Variants in PTGER4 observed in about 807,000 individuals in gnomAD.
PTGER4 encodes the protein prostaglandin E2 receptor EP4 subtype.
In PTGER4, 11 loss-of-function variants were observed where a neutral mutation model predicts 33.2. The ratio of observed to expected loss-of-function variants is 0.33; its 90% CI spans 0.21 to 0.55. PTGER4 has a LOEUF of 0.55. Ranked by LOEUF, PTGER4 falls within the 20% of genes least tolerant of loss-of-function variation. The probability of loss-of-function intolerance (pLI) is 0.92; values close to 1 mark genes in which losing one functional copy is unlikely to be tolerated. For missense variants in PTGER4, 481 were observed against 650.2 expected (o/e 0.74, Z 2.83); for synonymous variants, 275 against 281.5 (o/e 0.98, Z 0.23).
chr5:40,684,872 T>C (rs962581400), intron 2 of PTGER4, among the ~76,000 whole-genome samples: 1 of 152,156 alleles, frequency 6.6e-6, no homozygotes, highest in African/African-American at 2.4e-5. Flanking sequence ...TCTAAAATTT[T>C]GTGAGAACAA....
chr5:40,693,877 C>T (rs564164007), downstream of PTGER4: 33 of 346,018 alleles, frequency 9.5e-5, no homozygotes, highest in Middle Eastern at 2.9e-3. Context: ...AGTACAAACT[C>T]TTGTATACAC....
In PTGER4 at chr5:40,692,916, C is replaced by T; in HGVS notation, c.*538C>T. On this transcript the variant is annotated 3_prime_UTR_variant, in exon 3 of 3. Transcript: ENST00000302472. ...TAATAAAATTATCGCAACCCCTCTC[C>T]TTCCAGTATAACCAGCTGAAGTTGC... 3.1e-6 allele frequency: 3 copies of T among 980,414 alleles called. No homozygotes were observed. In the South Asian group the frequency reaches 1.4e-4, roughly 46 times the overall value. The allele number at this position is 980,414 out of a possible 1,614,324, so 60.7% of individuals were successfully genotyped here. A position where few individuals can be genotyped will look rare whatever the true frequency, so the allele number is the denominator to read the frequency against.
the PTGER4 span, among the ~76,000 whole-genome samples, chr5:40,726,339 T>C: frequency 6.6e-6 from 1 of 151,908 alleles, no homozygotes; most frequent in Non-Finnish European, 1.5e-5. Flanking sequence ...GCTATTTACA[T>C]ACATAATTTC....
chr5:40,713,629 CT>C, the PTGER4 span, among the ~76,000 whole-genome samples: 1 of 152,070 alleles, frequency 6.6e-6, no homozygotes. Context: ...ATATATGATT[CT>C]TGTGTTATCA....
At chr5:40,708,067 A>C in the PTGER4 span, among the ~76,000 whole-genome samples, 11 of 152,242 alleles carry the variant, frequency 7.2e-5, no homozygotes, top group South Asian at 4.1e-4. Flanking sequence ...TAAATGCCCA[A>C]AAGAGAAAGC....
chr5:40,706,489 A>G, the PTGER4 span, among the ~76,000 whole-genome samples: 1 of 152,140 alleles, frequency 6.6e-6, no homozygotes, highest in African/African-American at 2.4e-5. Flanking sequence ...AAAAGTTAAA[A>G]AGTAAAATAA....
At chr5:40,705,465 A>C in the PTGER4 span, among the ~76,000 whole-genome samples, 6 of 152,196 alleles carry the variant, frequency 3.9e-5, no homozygotes, top group African/African-American at 1.4e-4. Flanking sequence ...AAAAGCAAAA[A>C]TTGACAAATG....
the PTGER4 span, among the ~76,000 whole-genome samples, chr5:40,746,477 C>G: frequency 6.6e-5 from 10 of 152,068 alleles, no homozygotes; most frequent in African/African-American, 2.4e-4. Flanking sequence ...AGTGATAAGA[C>G]CACCTTTTAC....
At chr5:40,711,112 G>A in the PTGER4 span, among the ~76,000 whole-genome samples, 55 of 151,696 alleles carry the variant, frequency 3.6e-4, no homozygotes, top group Non-Finnish European at 1.3e-4. Context: ...AAACAAACAA[G>A]CAAGCTGCAG....
intron 2 of PTGER4, among the ~76,000 whole-genome samples, chr5:40,689,498 T>C (rs1579648519): frequency 6.6e-6 from 1 of 152,330 alleles, no homozygotes; most frequent in South Asian, 2.1e-4. Context: ...ACCCAAATTT[T>C]ACCCAAATTG....
the PTGER4 span, chr5:40,746,772 A>AT: frequency 3.3e-6 from 5 of 1,522,732 alleles, no homozygotes; most frequent in Admixed American, 5.7e-5. Flanking sequence ...GCTCTTCTCC[A>AT]TAAAAAAAAA....
the PTGER4 span, among the ~76,000 whole-genome samples, chr5:40,738,489 C>CAATAAAATAA: frequency 1.9e-3 from 188 of 101,614 alleles, 1 homozygote; most frequent in African/African-American, 6.5e-3. Context: ...CAATACAATA[C>CAATAAAATAA]AATACAATAC....
the PTGER4 span, among the ~76,000 whole-genome samples, chr5:40,723,250 G>C: frequency 6.6e-6 from 1 of 152,000 alleles, no homozygotes; most frequent in African/African-American, 2.4e-5. Flanking sequence ...CTCCTTAAGA[G>C]TCATCACCAC....
At chr5:40,696,718 AAC>A (rs1741589201), downstream of PTGER4, 1 of 982,898 alleles carries the variant, frequency 1.0e-6, no homozygotes, top group African/African-American at 1.7e-5. Flanking sequence ...TTTTCCTAAG[AAC>A]GTTTAACCAC....
the PTGER4 span, among the ~76,000 whole-genome samples, chr5:40,718,466 G>A: frequency 1.3e-5 from 2 of 151,418 alleles, no homozygotes; most frequent in Non-Finnish European, 1.5e-5. Context: ...ATTTGGCCAG[G>A]CGTGGTGGCT....
chr5:40,685,956 C>A (rs1355549964), intron 2 of PTGER4, among the ~76,000 whole-genome samples: 2 of 151,774 alleles, frequency 1.3e-5, no homozygotes, highest in African/African-American at 4.8e-5. Flanking sequence ...TAAAAAAAAA[C>A]AGAAACTTTC....
chr5:40,726,703 T>G, the PTGER4 span, among the ~76,000 whole-genome samples: 1 of 152,104 alleles, frequency 6.6e-6, no homozygotes, highest in South Asian at 2.1e-4. Flanking sequence ...TATCTCCGTC[T>G]CACCTGCAGT....
the PTGER4 span, among the ~76,000 whole-genome samples, chr5:40,709,074 T>C: frequency 4.6e-5 from 7 of 152,150 alleles, no homozygotes; most frequent in Non-Finnish European, 8.8e-5. Flanking sequence ...ACAGCCAATA[T>C]CATACTGAAT....
chr5:40,714,208 G>A, the PTGER4 span, among the ~76,000 whole-genome samples: 2 of 152,122 alleles, frequency 1.3e-5, no homozygotes, highest in African/African-American at 2.4e-5. Flanking sequence ...ACTGGAATCA[G>A]AGACTTCTTA....
Sources: gnomAD v4.1 joint callset for allele counts (sites outside exome capture counted in the v4.1 genomes callset) on GRCh38, gnomAD v4.1.1 for gene constraint, MANE v1.5 for transcripts, NCBI Gene and HGNC (gene_info 2026-07-23, HGNC 2026-07-21) for gene names.